The following SOCS2 variants were observed in gnomAD, a reference collection of about 807,000 sequenced individuals.
SOCS2 encodes CIS-2.
Under a neutral mutation model 18.6 loss-of-function variants are expected in SOCS2, and 10 were observed. That is an observed-to-expected ratio of 0.54 (90% CI 0.33 to 0.91). The LOEUF (loss-of-function observed/expected upper bound fraction) is 0.91, where lower values mean the gene tolerates loss of function less well. Ranked by LOEUF, SOCS2 falls within the 40% of genes least tolerant of loss-of-function variation. The pLI is 0.02. For missense variants in SOCS2, 231 were observed against 247.2 expected (o/e 0.93, Z 0.44); for synonymous variants, 104 against 104.0 (o/e 1.00, Z 0.00).
chr12:93,582,565 G>C (rs147715736), intron 1 of SOCS2, among the ~76,000 whole-genome samples: 1 of 152,148 alleles, frequency 6.6e-6, no homozygotes, highest in Admixed American at 6.5e-5. Flanking sequence ...ATTTGCCCTG[G>C]AGTATGCGGC....
chr12:93,573,030 C>T lies in SOCS2; in HGVS notation c.133C>T (p.Gln45Ter), dbSNP rs1169540984. 6.4e-7 allele frequency: 1 copy of T among 1,565,554 alleles called. No homozygotes were observed. The highest frequency in any genetic ancestry group is 8.6e-7 in the Non-Finnish European group (1 of 1,160,056). The change falls in exon 1 of 2, where the codon CAG (glutamine) becomes TAG (stop). Residue 45 changes from glutamine (Q) to a stop codon, truncating the protein, a stop_gained. Transcript: ENST00000551556. LOFTEE classifies it high-confidence loss of function. ...RLAKALRELG[Q>*]TGWYWGSMTV... Reference sequence around the variant, plus strand: ...GGCGAAGGCCCTGCGGGAGCTCGGTCAGACAGGTAGGGAGCCGATCGGCCG... The same window carrying T: ...GGCGAAGGCCCTGCGGGAGCTCGGTTAGACAGGTAGGGAGCCGATCGGCCG...
intron 1 of SOCS2, 93 bp from the exon 2 acceptor site, chr12:93,574,627 TAA>T: frequency 1.2e-6 from 1 of 834,970 alleles, no homozygotes; most frequent in Non-Finnish European, 1.7e-6. Context: ...TTTTTAGAGC[TAA>T]AAAAATTATT....
At chr12:93,617,849 C>T in the SOCS2 span, among the ~76,000 whole-genome samples, 1 of 152,158 alleles carries the variant, frequency 6.6e-6, no homozygotes, top group East Asian at 1.9e-4. Flanking sequence ...GATCATGCCA[C>T]TAGTAACTCC....
At chr12:93,618,002 T>C in the SOCS2 span, among the ~76,000 whole-genome samples, 1 of 152,154 alleles carries the variant, frequency 6.6e-6, no homozygotes. Context: ...TGGAAGATGA[T>C]TGGATCATGG....
chr12:93,589,728 C>T, the SOCS2 span, among the ~76,000 whole-genome samples: 2 of 152,148 alleles, frequency 1.3e-5, no homozygotes, highest in Admixed American at 1.3e-4. Context: ...GATTTGCAGT[C>T]TGATGTATTT....
chr12:93,601,020 C>T, the SOCS2 span, among the ~76,000 whole-genome samples: 10 of 151,138 alleles, frequency 6.6e-5, no homozygotes, highest in African/African-American at 1.5e-4. Context: ...TGAACTCTTG[C>T]GCTCAAGTTA....
chr12:93,614,478 C>CCTTT, the SOCS2 span, among the ~76,000 whole-genome samples: 5 of 49,436 alleles, frequency 1.0e-4, no homozygotes, highest in Admixed American at 9.5e-4. Context: ...TTCCTTCCTT[C>CCTTT]CTTTCCTTCC....
intron 1 of SOCS2, among the ~76,000 whole-genome samples, chr12:93,581,839 A>G (rs919939044): frequency 6.6e-6 from 1 of 152,114 alleles, no homozygotes; most frequent in Non-Finnish European, 1.5e-5. Context: ...ACATTTATTA[A>G]ACAGTCTAAT....
chr12:93,572,907 C>A lies in SOCS2; in HGVS notation c.10C>A (p.Arg4=), dbSNP rs771087321. The A allele has an allele frequency of 6.3e-7, 1 of 1,578,070 alleles. No individual in the cohort carries two copies. The highest frequency in any genetic ancestry group is 1.2e-5 in the South Asian group (1 of 86,138). Residue 4 remains arginine (R), a synonymous_variant, in exon 1 of 2, where the codon CGG becomes AGG. Coordinates refer to ENST00000551556, the MANE Select transcript of SOCS2 (RefSeq NM_001270471.2). The surrounding 1 kb of genome is among the most constrained non-coding windows in gnomAD (Gnocchi z 5.0). MTL[R]CLEPSGNGGE... ...CGGTGACCCTTCTCTCATGACCCTG[C>A]GGTGCCTTGAGCCCTCCGGGAATGG...
chr12:93,607,047 G>C, the SOCS2 span, among the ~76,000 whole-genome samples: 1 of 152,188 alleles, frequency 6.6e-6, no homozygotes, highest in Non-Finnish European at 1.5e-5. Context: ...CTAGACCAGG[G>C]AAATATCATT....
At chr12:93,603,944 G>A in the SOCS2 span, among the ~76,000 whole-genome samples, 59 of 152,108 alleles carry the variant, frequency 3.9e-4, 1 homozygote, top group Non-Finnish European at 3.5e-4. Context: ...GAAGATTTCC[G>A]ACTTAAATCT....
chr12:93,610,877 C>G, the SOCS2 span, among the ~76,000 whole-genome samples: 1 of 152,130 alleles, frequency 6.6e-6, no homozygotes, highest in South Asian at 2.1e-4. Context: ...TTCTAAGTCA[C>G]CCAGTCTAAG....
chr12:93,625,476 G>A, the SOCS2 span, among the ~76,000 whole-genome samples: 3 of 152,160 alleles, frequency 2.0e-5, no homozygotes, highest in South Asian at 2.1e-4. Flanking sequence ...GGCCGGGCGC[G>A]GTGGCTCACA....
chr12:93,614,603 CTTTCTTTCTTTCT>C, the SOCS2 span, among the ~76,000 whole-genome samples: 36 of 109,242 alleles, frequency 3.3e-4, 3 homozygotes, highest in African/African-American at 1.4e-3. Context: ...TTCTTTCTTT[CTTTCTTTCTTTCT>C]TTCTTTCTTT....
chr12:93,615,134 GCTGCCTTATCATC>G, the SOCS2 span, among the ~76,000 whole-genome samples: 9 of 152,026 alleles, frequency 5.9e-5, no homozygotes, highest in Non-Finnish European at 1.2e-4. Context: ...CCTTTTCTGA[GCTGCCTTATCATC>G]CTGCCTCTGC....
chr12:93,585,097 A>G (rs1269401990), downstream of SOCS2, among the ~76,000 whole-genome samples: 1 of 151,910 alleles, frequency 6.6e-6, no homozygotes, highest in African/African-American at 2.4e-5. Context: ...TTAGGTGTCT[A>G]TCCAGTGCAA....
At chr12:93,572,528 A>G, upstream of SOCS2, 2 of 430,714 alleles carry the variant, frequency 4.6e-6, no homozygotes, top group Non-Finnish European at 8.7e-6. The surrounding 1 kb of genome is among the most constrained non-coding windows in gnomAD (Gnocchi z 5.0). Context: ...TTTTCTCTAG[A>G]GCTGGGCCAG....
chr12:93,579,319 T>C (rs1313554918), downstream of SOCS2, among the ~76,000 whole-genome samples: 1 of 152,230 alleles, frequency 6.6e-6, no homozygotes, highest in Non-Finnish European at 1.5e-5. Context: ...AGAGGATAAT[T>C]ATACTCTCCT....
chr12:93,608,246 C>T, the SOCS2 span, among the ~76,000 whole-genome samples: 20 of 152,072 alleles, frequency 1.3e-4, no homozygotes, highest in Non-Finnish European at 7.4e-5. Context: ...AGTGATTCTC[C>T]CACCTTGGCC....
Sources: gnomAD v4.1 joint callset for allele counts (sites outside exome capture counted in the v4.1 genomes callset) on GRCh38, gnomAD v4.1.1 for gene constraint, Gnocchi (gnomAD v3.1) non-coding constraint, MANE v1.5 for transcripts, NCBI Gene and HGNC (gene_info 2026-07-23, HGNC 2026-07-21) for gene names.